MAGI3: variants seen among roughly 807,000 people sequenced by gnomAD.
The protein encoded by MAGI3 is membrane-associated guanylate kinase, WW and PDZ domain-containing protein 3.
Under a neutral mutation model 121.8 loss-of-function variants are expected in MAGI3, and 43 were observed. That is an observed-to-expected ratio of 0.35 (90% CI 0.28 to 0.46). The LOEUF is 0.46. MAGI3 is among the 20% of genes least tolerant of loss of function. The pLI is 1.00. For synonymous variants in MAGI3, 553 were observed against 639.3 expected, an observed-to-expected ratio of 0.86 and a Z score of 2.04; for missense variants, 1,547 against 1,797.3, an observed-to-expected ratio of 0.86 and a Z score of 2.52.
rs182359510 is a variant in MAGI3, at chr1:113,669,569, G to A, written c.2816-2165G>A. Among the ~76,000 whole-genome samples, 8 of 152,232 alleles carry A rather than the reference G, an allele frequency of 5.3e-5. No homozygotes were observed. The East Asian group carries it at 7.7e-4, about 15-fold the overall frequency. On this transcript the variant is annotated intron_variant, in intron 16 of 20. Coordinates refer to ENST00000307546, the MANE Select transcript of MAGI3 (RefSeq NM_001142782.2). ...GTTTGAGATAGAGTCTTGCTCTGTC[G>A]CCCAGGCTGGAGTGCAGTGGCATGA...
In MAGI3 at chr1:113,458,384, G is replaced by A. The variant is rs150600513; in HGVS notation, c.316+67035G>A. On this transcript the variant is annotated intron_variant, in intron 1 of 20. Transcript: ENST00000307546. ...ATGGGCAACTCTTGAGATTGGAAGT[G>A]AAGCTATGAGTTGAGAGCACTTTCT... 7.2e-5 allele frequency among the ~76,000 whole-genome samples: 11 copies of A among 152,318 alleles called. No homozygotes were observed. The East Asian group carries it at 2.1e-3, about 29-fold the overall frequency.
intron 16 of MAGI3, among the ~76,000 whole-genome samples, chr1:113,668,675 CG>C (rs1190157348): frequency 1.0e-4 from 15 of 150,160 alleles, no homozygotes; most frequent in African/African-American, 3.4e-4. Flanking sequence ...CTCCGCTTCC[CG>C]GGTTCACGCC....
rs1570652766 is a variant in MAGI3, at chr1:113,422,638, A to G, written c.316+31289A>G. ...CTGCTCCGTGCAAGGGTGCATCTAT[A>G]CCAGACATACCGCAAGCAGCTTCTG... On this transcript the variant is annotated intron_variant, in intron 1 of 20. Coordinates refer to ENST00000307546, the MANE Select transcript of MAGI3 (RefSeq NM_001142782.2). This position sits in a 1 kb window ranked among gnomAD's most constrained non-coding sequence, Gnocchi z 4.3. Among the ~76,000 whole-genome samples, 1 of 152,202 alleles carries G rather than the reference A, an allele frequency of 6.6e-6. No individual in the cohort carries two copies. The highest frequency in any genetic ancestry group is 1.5e-5 in the Non-Finnish European group (1 of 68,018).
intron 2 of MAGI3, among the ~76,000 whole-genome samples, chr1:113,572,126 G>GCCTTT (rs1647331039): frequency 6.6e-6 from 1 of 152,080 alleles, no homozygotes; most frequent in Non-Finnish European, 1.5e-5. Flanking sequence ...ATTATTGAAG[G>GCCTTT]CCTTTTCTGC....
At chr1:113,531,538 T>C (rs1427441837) in intron 1 of MAGI3, among the ~76,000 whole-genome samples, 1 of 152,158 alleles carries the variant, frequency 6.6e-6, no homozygotes, top group Non-Finnish European at 1.5e-5. Context: ...GTTTCATCAG[T>C]CTGATGGTGA....
chr1:113,681,689 T>G (rs1179191836), intron 20 of MAGI3, among the ~76,000 whole-genome samples: 1 of 152,236 alleles, frequency 6.6e-6, no homozygotes, highest in Non-Finnish European at 1.5e-5. Context: ...TTCTCTTACT[T>G]AGCTAATTAC....
chr1:113,643,618 G>A, intron 10 of MAGI3, 125 bp from the exon 11 acceptor site: 1 of 804,666 alleles, frequency 1.2e-6, no homozygotes, highest in Non-Finnish European at 2.1e-6. Context: ...TGGTACATAG[G>A]AGGTTAGACA....
Position 113,683,707 on chromosome 1 carries a change from C to G in MAGI3, c.4139C>G (p.Ser1380Cys). Reference sequence around the variant, plus strand: ...AATAAGACTACAAGTAAAGAAGTATCTGAAAATGAAAAAGGAAAGAAAGTA... The same window carrying G: ...AATAAGACTACAAGTAAAGAAGTATGTGAAAATGAAAAAGGAAAGAAAGTA... Reference protein sequence around the residue: ...MTNKTTSKEVSENEKGKKVTT... With the variant: ...MTNKTTSKEVCENEKGKKVTT... The change falls in exon 21 of 21, where the codon TCT becomes TGT. Residue 1380 changes from serine to cysteine, a missense_variant. Ser to Cys is a moderately radical substitution (Grantham distance 112, BLOSUM62 -1). Coordinates refer to ENST00000307546, the MANE Select transcript of MAGI3 (RefSeq NM_001142782.2). The G allele has an allele frequency of 2.5e-6, 4 of 1,598,184 alleles. No homozygotes were observed. Among genetic ancestry groups the G allele is most frequent in the Non-Finnish European group, 3.4e-6 (4 of 1,172,658 alleles).
At position 113,619,835 on chromosome 1, in the gene MAGI3, G is replaced by A. The variant is rs758635350; in HGVS notation, c.1171+5G>A. 3 of 1,593,760 alleles carry A rather than the reference G, an allele frequency of 1.9e-6. No homozygotes were observed. The highest frequency in any genetic ancestry group is 2.7e-5 in the African/African-American group (2 of 74,320). On this transcript the variant is annotated splice_donor_5th_base_variant and intron_variant, in intron 8 of 20. Coordinates refer to ENST00000307546, the MANE Select transcript of MAGI3 (RefSeq NM_001142782.2). ...AAATTGGGTCTTCAAAACCAGGTAA[G>A]CATTCTTTTCAATCTTTTCTTCTAA...
intron 1 of MAGI3, among the ~76,000 whole-genome samples, chr1:113,419,653 G>C (rs1443676089): frequency 6.6e-6 from 1 of 152,124 alleles, no homozygotes; most frequent in Non-Finnish European, 1.5e-5. Context: ...TATTTTTGGA[G>C]AGTGGTTGGA....
intron 11 of MAGI3, among the ~76,000 whole-genome samples, 170 bp downstream of exon 11, chr1:113,643,944 C>T (rs963015353): frequency 9.2e-5 from 14 of 152,158 alleles, no homozygotes; most frequent in Non-Finnish European, 1.8e-4. Flanking sequence ...TTGAAAAAGC[C>T]CCCTAGTGAG....
At chr1:113,492,652 A>C (rs1476837033) in intron 1 of MAGI3, among the ~76,000 whole-genome samples, 1 of 152,140 alleles carries the variant, frequency 6.6e-6, no homozygotes, top group African/African-American at 2.4e-5. Flanking sequence ...AAAACACCCC[A>C]GTCCCAGCCC....
intron 1 of MAGI3, among the ~76,000 whole-genome samples, chr1:113,543,866 TAAA>T (rs5777160): frequency 2.0e-4 from 27 of 136,858 alleles, no homozygotes; most frequent in South Asian, 2.3e-4. Context: ...AGACCCCATC[TAAA>T]AAAAAAAAAA....
intron 2 of MAGI3, among the ~76,000 whole-genome samples, chr1:113,570,795 C>T (rs1647251186): frequency 6.6e-6 from 1 of 152,004 alleles, no homozygotes; most frequent in African/African-American, 2.4e-5. Context: ...GATATCATAC[C>T]TTTGTCAGAT....
chr1:113,555,159 A>G (rs1215102887), intron 2 of MAGI3, among the ~76,000 whole-genome samples: 1 of 152,138 alleles, frequency 6.6e-6, no homozygotes, highest in Admixed American at 6.5e-5. Flanking sequence ...TACAACAAAA[A>G]TATCCTTCAA....
intron 1 of MAGI3, among the ~76,000 whole-genome samples, chr1:113,540,366 G>A (rs972696063): frequency 2.6e-5 from 4 of 152,216 alleles, no homozygotes; most frequent in African/African-American, 9.7e-5. Context: ...CGTACCCACT[G>A]TTCTGTGGCA....
intron 1 of MAGI3, chr1:113,450,382 G>T: frequency 8.7e-7 from 1 of 1,150,134 alleles, no homozygotes; most frequent in Non-Finnish European, 1.3e-6. Flanking sequence ...TATGGAGGAG[G>T]TGATGGTGGA....
chr1:113,572,403 C>G (rs560753633), intron 2 of MAGI3, among the ~76,000 whole-genome samples: 9 of 152,162 alleles, frequency 5.9e-5, no homozygotes, highest in Admixed American at 1.3e-4. Flanking sequence ...TGATGCTGGA[C>G]TCATAAAATG....
chr1:113,423,588 T>C (rs2101391000), intron 1 of MAGI3, among the ~76,000 whole-genome samples: 1 of 152,202 alleles, frequency 6.6e-6, no homozygotes, highest in East Asian at 1.9e-4. Context: ...GGGGTTTTTA[T>C]AGGCACAGAA....
Sources: gnomAD v4.1 joint callset for allele counts (sites outside exome capture counted in the v4.1 genomes callset) on GRCh38, gnomAD v4.1.1 for gene constraint, Gnocchi (gnomAD v3.1) non-coding constraint, MANE v1.5 for transcripts, NCBI Gene and HGNC (gene_info 2026-07-23, HGNC 2026-07-21) for gene names.